The following XXYLT1 variants were observed in gnomAD, a reference collection of about 807,000 sequenced individuals.
XXYLT1 encodes the protein xyloside xylosyltransferase 1, also known as UDP-xylose:alpha-xyloside alpha-1,3-xylosyltransferase.
In XXYLT1, 20 loss-of-function variants were observed where a neutral mutation model predicts 28.9. That is an observed-to-expected ratio of 0.69 (90% CI 0.49 to 1.00). The LOEUF (loss-of-function observed/expected upper bound fraction) is 1.00. XXYLT1 is among the 50% of genes least tolerant of loss of function. The pLI is 0.00. For synonymous variants in XXYLT1, 257 were observed against 253.8 expected (o/e 1.01, Z -0.12); for missense variants, 542 against 560.1 (o/e 0.97, Z 0.33).
At chr3:195,071,797 T>A (rs6806857) in intron 3 of XXYLT1, among the ~76,000 whole-genome samples, 1 of 151,802 alleles carries the variant, frequency 6.6e-6, no homozygotes. Context: ...CAGGGCACCA[T>A]GACATCAGAG....
chr3:195,139,804 C>T (rs140619724), intron 3 of XXYLT1, among the ~76,000 whole-genome samples: 6 of 152,328 alleles, frequency 3.9e-5, no homozygotes, highest in Non-Finnish European at 7.3e-5. Flanking sequence ...CGTTTCCATT[C>T]CATTCCCCTC....
At chr3:195,141,296 T>A (rs1719474663) in intron 3 of XXYLT1, among the ~76,000 whole-genome samples, 1 of 152,200 alleles carries the variant, frequency 6.6e-6, no homozygotes, top group Non-Finnish European at 1.5e-5. Flanking sequence ...ACACTCCCCT[T>A]CCGGCTCTAA....
At chr3:195,104,921 C>G (rs1717003765) in intron 3 of XXYLT1, among the ~76,000 whole-genome samples, 1 of 152,194 alleles carries the variant, frequency 6.6e-6, no homozygotes, top group Non-Finnish European at 1.5e-5. Context: ...GCAAGTCTAG[C>G]TACAAGCCAG....
At chr3:195,114,755 C>T (rs1007405492) in intron 3 of XXYLT1, among the ~76,000 whole-genome samples, 6 of 152,194 alleles carry the variant, frequency 3.9e-5, no homozygotes, top group African/African-American at 1.4e-4. Context: ...GACAAGCTTT[C>T]GTCAATCAGA....
intron 2 of XXYLT1, among the ~76,000 whole-genome samples, chr3:195,179,018 A>C (rs1721811344): frequency 6.6e-6 from 1 of 152,026 alleles, no homozygotes; most frequent in Non-Finnish European, 1.5e-5. Flanking sequence ...ACAACTCCAC[A>C]CTCCAGGGAG....
chr3:195,083,000 G>A (rs769399735), intron 3 of XXYLT1, among the ~76,000 whole-genome samples: 1 of 152,218 alleles, frequency 6.6e-6, no homozygotes. Flanking sequence ...AGCCATGTCT[G>A]CACATTTCTG....
At chr3:195,224,297 G>T (rs1041582521) in intron 2 of XXYLT1, among the ~76,000 whole-genome samples, 2 of 152,174 alleles carry the variant, frequency 1.3e-5, no homozygotes, top group Admixed American at 6.5e-5. Context: ...CAGAGGGTGG[G>T]GCCCACACCT....
intron 1 of XXYLT1, among the ~76,000 whole-genome samples, chr3:195,250,934 C>T (rs906447032): frequency 2.3e-4 from 35 of 152,240 alleles, no homozygotes; most frequent in Non-Finnish European, 8.8e-5. Flanking sequence ...GACGGGGTTA[C>T]ATGGATCTTA....
At chr3:195,088,606 A>G (rs1383902923) in intron 3 of XXYLT1, among the ~76,000 whole-genome samples, 2 of 119,186 alleles carry the variant, frequency 1.7e-5, no homozygotes, top group African/African-American at 6.2e-5. Flanking sequence ...GGAAACTCTA[A>G]AAAGCAGAGC....
intron 2 of XXYLT1, among the ~76,000 whole-genome samples, chr3:195,204,322 AC>A (rs1168714014): frequency 5.3e-5 from 8 of 151,468 alleles, no homozygotes; most frequent in African/African-American, 1.9e-4. Context: ...CAGCCTGGCG[AC>A]AGAGCAAGAC....
At chr3:195,243,813 C>T (rs1724885803) in intron 1 of XXYLT1, among the ~76,000 whole-genome samples, 2 of 152,210 alleles carry the variant, frequency 1.3e-5, no homozygotes, top group Non-Finnish European at 2.9e-5. Flanking sequence ...GAACCACAGG[C>T]TGGGCCCCTC....
intron 2 of XXYLT1, among the ~76,000 whole-genome samples, chr3:195,192,555 A>G (rs761826305): frequency 6.6e-6 from 1 of 152,268 alleles, no homozygotes; most frequent in African/African-American, 2.4e-5. Context: ...TCTATCTATC[A>G]ATACAAAAAG....
chr3:195,203,235 A>G (rs1231559166), intron 2 of XXYLT1, among the ~76,000 whole-genome samples: 2 of 152,256 alleles, frequency 1.3e-5, no homozygotes, highest in East Asian at 3.8e-4. Context: ...CCTTGAAATT[A>G]CTAAACATCA....
At chr3:195,229,621 A>C (rs1310030943) in intron 1 of XXYLT1, among the ~76,000 whole-genome samples, 1 of 152,212 alleles carries the variant, frequency 6.6e-6, no homozygotes, top group Non-Finnish European at 1.5e-5. Context: ...TCTACCTCCC[A>C]CAAATAAGAA....
chr3:195,091,377 G>T (rs1419177537), intron 3 of XXYLT1, among the ~76,000 whole-genome samples: 1 of 109,642 alleles, frequency 9.1e-6, no homozygotes, highest in African/African-American at 4.8e-5. Flanking sequence ...TTCAATATAC[G>T]CAAATCAATA....
At chr3:195,139,375 A>G (rs931211827) in intron 3 of XXYLT1, among the ~76,000 whole-genome samples, 1 of 152,196 alleles carries the variant, frequency 6.6e-6, no homozygotes, top group Non-Finnish European at 1.5e-5. Context: ...GGGAGAGGGA[A>G]CCAGGCCCCC....
chr3:195,225,358 G>C (rs1429995873), intron 2 of XXYLT1, among the ~76,000 whole-genome samples: 1 of 152,202 alleles, frequency 6.6e-6, no homozygotes, highest in Non-Finnish European at 1.5e-5. Context: ...AGCCAGAATG[G>C]ATGGGCTTGC....
intron 3 of XXYLT1, among the ~76,000 whole-genome samples, chr3:195,100,325 T>C (rs1302810531): frequency 6.6e-6 from 1 of 152,106 alleles, no homozygotes; most frequent in Admixed American, 6.5e-5. Flanking sequence ...GTGGCCTATA[T>C]GGCATGGAAG....
chr3:195,205,965 G>C (rs1453090789), intron 2 of XXYLT1, among the ~76,000 whole-genome samples: 1 of 151,290 alleles, frequency 6.6e-6, no homozygotes, highest in East Asian at 1.9e-4. Context: ...AAGGATCTCT[G>C]TATTGCTTCT....
Sources: gnomAD v4.1 joint callset for allele counts (sites outside exome capture counted in the v4.1 genomes callset) on GRCh38, gnomAD v4.1.1 for gene constraint, MANE v1.5 for transcripts, NCBI Gene and HGNC (gene_info 2026-07-23, HGNC 2026-07-21) for gene names.